Variants in CASQ2 observed in about 807,000 individuals in gnomAD.
The protein encoded by CASQ2 is calsequestrin-2.
CASQ2 carries 49 observed loss-of-function variants against 46.5 expected under a neutral mutation model. The observed-to-expected ratio is 1.05, with a 90% CI of 0.84 to 1.34. The LOEUF (loss-of-function observed/expected upper bound fraction) is 1.34, where lower values mean the gene tolerates loss of function less well. CASQ2 is among the 40% of genes most tolerant of loss of function. The pLI, the probability that CASQ2 is intolerant of heterozygous loss-of-function variation, is 0.00. For missense variants in CASQ2, 486 were observed against 481.3 expected, an observed-to-expected ratio of 1.01 and a Z score of -0.09; for synonymous variants, 174 against 168.5, an observed-to-expected ratio of 1.03 and a Z score of -0.25.
At position 115,747,208 on chromosome 1, in the gene CASQ2, C is replaced by T. The variant is rs545824230; in HGVS notation, c.235-2296G>A. Among the ~76,000 whole-genome samples the T allele has an allele frequency of 7.2e-5, 11 of 152,070 alleles. No homozygotes were observed. The East Asian group carries it at 9.7e-4, about 13-fold the overall frequency. Reference sequence around the variant, plus strand: ...TTTGCCAATAGATGTCCGACTGTTCCGATATTTTTTGGTGAAAAGGCTGTC... The same window carrying T: ...TTTGCCAATAGATGTCCGACTGTTCTGATATTTTTTGGTGAAAAGGCTGTC... On this transcript the variant is annotated intron_variant, in intron 1 of 10. Transcript: ENST00000261448.
chr1:115,706,579 A>G (rs1341111265), intron 8 of CASQ2, among the ~76,000 whole-genome samples: 1 of 152,214 alleles, frequency 6.6e-6, no homozygotes, highest in Non-Finnish European at 1.5e-5. Context: ...ACTCAGTGGT[A>G]TACACTCAAA....
chr1:115,720,007 C>T (rs988620448), intron 7 of CASQ2, among the ~76,000 whole-genome samples: 3 of 152,216 alleles, frequency 2.0e-5, no homozygotes, highest in East Asian at 1.9e-4. Context: ...TTTGTAAGTA[C>T]ATTATCTCAA....
chr1:115,768,560 C>A lies in CASQ2; in HGVS notation c.-19G>T, dbSNP rs1261216280. 6.5e-7 allele frequency: 1 copy of A among 1,530,278 alleles called. No individual in the cohort carries two copies. Among genetic ancestry groups the A allele is most frequent in the South Asian group, 1.1e-5 (1 of 89,112 alleles). The allele number at this position is 1,530,278 out of a possible 1,614,324, so 94.8% of individuals were successfully genotyped here. ...TCTTCATTTGGGAAAACTTTTGTTT[C>A]TCGTTCCCAAATATGCTGTGTGCAG... is the stretch of plus-strand genomic sequence containing the variant. On this transcript the variant is annotated 5_prime_UTR_variant, in exon 1 of 11. Transcript: ENST00000261448.
intron 4 of CASQ2, among the ~76,000 whole-genome samples, chr1:115,737,939 G>T (rs993060083): frequency 6.6e-6 from 1 of 152,182 alleles, no homozygotes. Context: ...CTGGGAGGTG[G>T]GTAGGCAGGA....
At chr1:115,724,448 G>A (rs1049005273) in intron 7 of CASQ2, among the ~76,000 whole-genome samples, 10 of 152,222 alleles carry the variant, frequency 6.6e-5, no homozygotes, top group African/African-American at 9.6e-5. Context: ...GACTACAGGC[G>A]TGCCCCACTA....
intron 5 of CASQ2, among the ~76,000 whole-genome samples, chr1:115,727,410 A>G (rs1647634214): frequency 2.0e-5 from 3 of 152,362 alleles, no homozygotes; most frequent in East Asian, 3.9e-4. Context: ...ATTTAATTCT[A>G]CAATCACCAT....
intron 1 of CASQ2, among the ~76,000 whole-genome samples, chr1:115,751,392 G>A (rs570957906): frequency 1.3e-3 from 201 of 150,340 alleles, no homozygotes; most frequent in African/African-American, 4.6e-3. Flanking sequence ...CTCTAGGGCC[G>A]GGCGCGGTGG....
At chr1:115,738,901 C>G (rs186627956) in intron 3 of CASQ2, among the ~76,000 whole-genome samples, 2 of 151,476 alleles carry the variant, frequency 1.3e-5, no homozygotes, top group Admixed American at 1.3e-4. Flanking sequence ...CCCCATCCTG[C>G]TTTTGGCAAC....
intron 10 of CASQ2, 97 bp downstream of exon 10, chr1:115,702,824 G>T (rs1654247340): frequency 1.0e-6 from 1 of 956,016 alleles, no homozygotes; most frequent in South Asian, 1.4e-5. Flanking sequence ...CTTCTGAAAA[G>T]GCTGGGCTAC....
intron 7 of CASQ2, among the ~76,000 whole-genome samples, chr1:115,722,739 T>C (rs1647420556): frequency 6.6e-6 from 1 of 152,124 alleles, no homozygotes; most frequent in Admixed American, 6.6e-5. Flanking sequence ...CTGTTCCAAA[T>C]TAAAGGTGAC....
At chr1:115,764,702 T>C (rs1222702047) in intron 1 of CASQ2, among the ~76,000 whole-genome samples, 1 of 152,222 alleles carries the variant, frequency 6.6e-6, no homozygotes, top group Non-Finnish European at 1.5e-5. Context: ...GATTATACAA[T>C]GACCCTTGGG....
intron 8 of CASQ2, among the ~76,000 whole-genome samples, chr1:115,709,114 C>T (rs928097467): frequency 2.6e-5 from 4 of 152,250 alleles, no homozygotes; most frequent in African/African-American, 9.6e-5. Context: ...AATGGATTGT[C>T]AATCTGTGAA....
intron 4 of CASQ2, among the ~76,000 whole-genome samples, chr1:115,735,884 G>A (rs1017550878): frequency 3.9e-5 from 6 of 152,162 alleles, no homozygotes; most frequent in Non-Finnish European, 5.9e-5. Context: ...AGAGCAGGCC[G>A]GACGTAGTGG....
Position 115,700,219 on chromosome 1 carries a change from T to C in CASQ2, c.*1022A>G, listed in dbSNP as rs1373770084. ...CTTTTAGACAGCTCAGAAGGCACTT[T>C]GGGATTTTTTTTTTTTTCAGTGCCT... On this transcript the variant is annotated 3_prime_UTR_variant, in exon 11 of 11. Coordinates refer to ENST00000261448, the MANE Select transcript of CASQ2 (RefSeq NM_001232.4). 7.2e-6 allele frequency: 1 copy of C among 138,252 alleles called. No homozygotes were observed. The highest frequency in any genetic ancestry group is 2.0e-4 in the East Asian group (1 of 4,966). 8.6% of individuals were successfully genotyped at this position (138,252 alleles called of 1,614,324 possible). A position where few individuals can be genotyped will look rare whatever the true frequency, so the allele number is the denominator to read the frequency against.
Position 115,725,557 on chromosome 1 carries a change from G to GAAAAAAA in CASQ2, c.738-11_738-5dup, listed in dbSNP as rs56889721. ...GCGCAGGCGACGTAGAGTGGGTCTGGAAAAAAAAAAAAAAAAAAAAAAAGA... is the reference window on the plus strand; with the variant it reads ...GCGCAGGCGACGTAGAGTGGGTCTGGAAAAAAAAAAAAAAAAAAAAAAAAAAAAAAGA... On this transcript the variant is annotated splice_region_variant and splice_polypyrimidine_tract_variant and intron_variant, in intron 6 of 10. Coordinates refer to ENST00000261448, the MANE Select transcript of CASQ2 (RefSeq NM_001232.4). 1.1e-4 allele frequency: 161 copies of GAAAAAAA among 1,402,644 alleles called. 3 individuals are homozygous for GAAAAAAA. Among genetic ancestry groups the GAAAAAAA allele is most frequent in the Admixed American group, 7.1e-4 (30 of 42,118 alleles). The allele number at this position is 1,402,644 out of a possible 1,614,324, so 86.9% of individuals were successfully genotyped here.
chr1:115,749,191 A>T (rs187173561), intron 1 of CASQ2, among the ~76,000 whole-genome samples: 1 of 152,322 alleles, frequency 6.6e-6, no homozygotes, highest in East Asian at 1.9e-4. Context: ...ATAACCAATG[A>T]CATAAAATAA....
At chr1:115,750,373 C>T (rs988868026) in intron 1 of CASQ2, among the ~76,000 whole-genome samples, 1 of 152,188 alleles carries the variant, frequency 6.6e-6, no homozygotes, top group Non-Finnish European at 1.5e-5. Context: ...TGTCTCTTAT[C>T]GGTTGGTTAT....
chr1:115,705,082 G>A (rs1005108731), intron 9 of CASQ2, 110 bp downstream of exon 9: 28 of 794,132 alleles, frequency 3.5e-5, no homozygotes, highest in Middle Eastern at 7.0e-4. Context: ...GGTGAGGACC[G>A]CCACTGGGTT....
At chr1:115,722,679 C>T (rs1647418861) in intron 7 of CASQ2, among the ~76,000 whole-genome samples, 1 of 152,154 alleles carries the variant, frequency 6.6e-6, no homozygotes, top group Non-Finnish European at 1.5e-5. Context: ...TCAATAATGA[C>T]TCTCAATTTA....
Sources: gnomAD v4.1 joint callset for allele counts (sites outside exome capture counted in the v4.1 genomes callset) on GRCh38, gnomAD v4.1.1 for gene constraint, MANE v1.5 for transcripts, NCBI Gene and HGNC (gene_info 2026-07-23, HGNC 2026-07-21) for gene names.